The following RILPL2 variants were observed in gnomAD, a reference collection of about 807,000 sequenced individuals.
RILPL2 encodes Rab interacting lysosomal protein like 2.
RILPL2 carries 19 observed loss-of-function variants against 22.2 expected under a neutral mutation model. That is an observed-to-expected ratio of 0.86 (90% confidence interval 0.60 to 1.25). The LOEUF is 1.25. Among genes scored for constraint, RILPL2 ranks in the 50% most tolerant of loss-of-function variants. The pLI is 0.00. For missense variants in RILPL2, 243 were observed against 263.6 expected (o/e 0.92, Z 0.54); for synonymous variants, 123 against 111.6 (o/e 1.10, Z -0.64).
intron 3 of RILPL2, among the ~76,000 whole-genome samples, chr12:123,417,144 C>T (rs1879140210): frequency 6.6e-6 from 1 of 151,702 alleles, no homozygotes. Flanking sequence ...ACCAAAAATA[C>T]AAAAATTAGC....
At chr12:123,426,901 C>T (rs559427314) in intron 2 of RILPL2, among the ~76,000 whole-genome samples, 2 of 151,768 alleles carry the variant, frequency 1.3e-5, no homozygotes, top group East Asian at 1.9e-4. Flanking sequence ...CGCGGCCAGC[C>T]GACTCTTTCT....
chr12:123,421,077 C>G (rs1566090313), intron 3 of RILPL2, among the ~76,000 whole-genome samples: 1 of 149,586 alleles, frequency 6.7e-6, no homozygotes, highest in East Asian at 2.0e-4. Flanking sequence ...GGGTCTCACT[C>G]TGTTGCTCAG....
chr12:123,422,662 C>G (rs1304915450), intron 3 of RILPL2, among the ~76,000 whole-genome samples: 1 of 152,144 alleles, frequency 6.6e-6, no homozygotes, highest in Non-Finnish European at 1.5e-5. Context: ...CCATTGCACC[C>G]AGCCTGGTCA....
chr12:123,425,528 A>G (rs774433172), intron 2 of RILPL2, among the ~76,000 whole-genome samples: 1 of 151,914 alleles, frequency 6.6e-6, no homozygotes, highest in Non-Finnish European at 1.5e-5. Context: ...GTGGCTCACC[A>G]TGTATTTCAC....
chr12:123,416,520 T>C (rs1879123431), intron 3 of RILPL2, among the ~76,000 whole-genome samples: 1 of 147,340 alleles, frequency 6.8e-6, no homozygotes. Context: ...GCGCCTGTAG[T>C]CCCAGCTGCC....
At chr12:123,431,033 G>A (rs1443348624) in intron 1 of RILPL2, among the ~76,000 whole-genome samples, 9 of 152,124 alleles carry the variant, frequency 5.9e-5, no homozygotes, top group South Asian at 4.1e-4. Flanking sequence ...CAGTAGAGAT[G>A]GAGTTTCGCC....
intron 3 of RILPL2, among the ~76,000 whole-genome samples, chr12:123,421,591 T>C (rs2139237230): frequency 6.6e-6 from 1 of 151,840 alleles, no homozygotes; most frequent in South Asian, 2.1e-4. Flanking sequence ...TCCCCTGTGC[T>C]CCTGCCCCTT....
chr12:123,416,457 G>C (rs1245929433), intron 3 of RILPL2, among the ~76,000 whole-genome samples: 1 of 152,104 alleles, frequency 6.6e-6, no homozygotes, highest in Non-Finnish European at 1.5e-5. Context: ...GGCTCACACG[G>C]TGAAACCCCG....
intron 3 of RILPL2, among the ~76,000 whole-genome samples, chr12:123,418,736 ATTTCTT>A (rs1260256243): frequency 7.5e-6 from 1 of 132,554 alleles, no homozygotes; most frequent in African/African-American, 2.8e-5. Flanking sequence ...CACTGACTTG[ATTTCTT>A]TTTCTTTTTC....
Position 123,430,565 on chromosome 12 carries a change from C to A in RILPL2, c.434G>T (p.Arg145Leu), listed in dbSNP as rs762285761. The change falls in exon 2 of 4, where the codon CGC becomes CTC. Residue 145 changes from arginine to leucine, a missense_variant. Arg to Leu is a moderately radical substitution (Grantham distance 102, BLOSUM62 -2). Transcript: ENST00000280571. ...LQELRDVLQE[R>L]NKLKSQLLVV... ...CAGGAGCTGCGACTTGAGTTTGTTG[C>A]GTTCCTGCAGCACATCCCTTAGCTC... The A allele has an allele frequency of 1.2e-6, 2 of 1,612,680 alleles. 1 individual carries two copies. The highest frequency in any genetic ancestry group is 2.2e-5 in the South Asian group (2 of 91,022).
chr12:123,409,888 TA>T, the RILPL2 span, among the ~76,000 whole-genome samples: 1 of 152,050 alleles, frequency 6.6e-6, no homozygotes, highest in Admixed American at 6.6e-5. Flanking sequence ...CACACCCAGC[TA>T]ATTTTTTTGT....
intron 1 of RILPL2, among the ~76,000 whole-genome samples, chr12:123,435,777 T>G (rs1879776364): frequency 6.6e-6 from 1 of 151,938 alleles, no homozygotes. Flanking sequence ...AGGTCAAAGG[T>G]TCTCAAACTG....
intron 2 of RILPL2, among the ~76,000 whole-genome samples, chr12:123,428,661 C>T (rs993741683): frequency 6.6e-6 from 1 of 152,154 alleles, no homozygotes; most frequent in African/African-American, 2.4e-5. Context: ...ATGCGGCGTG[C>T]TAATTACAAG....
rs1879103156 is a variant in RILPL2 at position 123,415,895 on chromosome 12, G to C, written c.632C>G (p.Thr211Ser). 3 of 1,614,040 alleles carry C rather than the reference G, an allele frequency of 1.9e-6. No individual in the cohort carries two copies. Among genetic ancestry groups the C allele is most frequent in the African/African-American group, 1.3e-5 (1 of 74,934 alleles). The change falls in exon 4 of 4, where the codon ACC becomes AGC. Residue 211 changes from threonine to serine, a missense_variant. Transcript: ENST00000280571. ...GCCTTACTTGTGGCCTTGGATCTAG[G>C]TCTGTTTCCCCGATCGAAAAAAGAA... ...KLFFFRSGKQ[T>S]
intron 1 of RILPL2, among the ~76,000 whole-genome samples, chr12:123,434,589 A>G (rs992309346): frequency 8.6e-5 from 13 of 151,864 alleles, no homozygotes; most frequent in Middle Eastern, 3.4e-3. Context: ...ACGCCCGGCT[A>G]ATTTTTTTCT....
chr12:123,419,758 C>T (rs1879223251), intron 3 of RILPL2, among the ~76,000 whole-genome samples: 1 of 151,106 alleles, frequency 6.6e-6, no homozygotes, highest in African/African-American at 2.4e-5. Flanking sequence ...GAGGCCATGG[C>T]TAATTTTGTA....
chr12:123,420,743 G>A (rs1386920810), intron 3 of RILPL2, among the ~76,000 whole-genome samples: 1 of 152,100 alleles, frequency 6.6e-6, no homozygotes, highest in Non-Finnish European at 1.5e-5. Context: ...GGTCGAGTTT[G>A]ACTCTTGATT....
Position 123,415,722 on chromosome 12 carries a change from A to T in RILPL2, c.*169T>A. On this transcript the variant is annotated 3_prime_UTR_variant, in exon 4 of 4. Transcript: ENST00000280571. ...AGGGTGTCTAGTTCTGCAGCCAGGG[A>T]GAAAGTGATGCCAAGAGAACCTCGT... 1.4e-6 allele frequency: 1 copy of T among 737,548 alleles called. No individual in the cohort carries two copies. Among genetic ancestry groups the T allele is most frequent in the East Asian group, 2.5e-5 (1 of 40,612 alleles). 45.7% of individuals were successfully genotyped at this position (737,548 alleles called of 1,614,324 possible).
intron 3 of RILPL2, among the ~76,000 whole-genome samples, chr12:123,416,443 T>C (rs1446037521): frequency 6.6e-6 from 1 of 152,006 alleles, no homozygotes; most frequent in Non-Finnish European, 1.5e-5. Flanking sequence ...ATCGAGACCA[T>C]CCTGGCTCAC....
Sources: allele counts gnomAD v4.1 joint callset (sites outside exome capture counted in the v4.1 genomes callset), GRCh38; gene constraint gnomAD v4.1.1; transcripts MANE v1.5; gene names NCBI Gene and HGNC (gene_info 2026-07-23, HGNC 2026-07-21).